The following SAMD3 variants were observed in gnomAD, a reference collection of about 807,000 sequenced individuals.
SAMD3 encodes the protein sterile alpha motif domain containing 3, also known as sterile alpha motif domain-containing protein 3.
In SAMD3, 63 loss-of-function variants were observed where a neutral mutation model predicts 58.5. The ratio of observed to expected loss-of-function variants is 1.08; its 90% CI spans 0.88 to 1.33. The LOEUF is 1.33. Ranked by LOEUF, SAMD3 falls within the 40% of genes most tolerant of loss-of-function variation. The probability of loss-of-function intolerance (pLI) is 0.00; values close to 1 mark genes in which losing one functional copy is unlikely to be tolerated. For missense variants in SAMD3, 604 were observed against 608.4 expected, an observed-to-expected ratio of 0.99 and a Z score of 0.08; for synonymous variants, 220 against 210.3, an observed-to-expected ratio of 1.05 and a Z score of -0.40.
chr6:130,330,513 C>T (rs563707850), intron 1 of SAMD3, among the ~76,000 whole-genome samples: 9 of 152,252 alleles, frequency 5.9e-5, no homozygotes, highest in African/African-American at 2.2e-4. Flanking sequence ...CTGGATATGG[C>T]TGCTGGAGAT....
At chr6:130,255,405 C>T (rs1421837512) in intron 2 of SAMD3, among the ~76,000 whole-genome samples, 3 of 152,050 alleles carry the variant, frequency 2.0e-5, no homozygotes, top group Non-Finnish European at 4.4e-5. Context: ...ATTGAAGCCC[C>T]CTACTATTAT....
intron 1 of SAMD3, among the ~76,000 whole-genome samples, chr6:130,322,843 T>A (rs897178094): frequency 6.6e-6 from 1 of 152,192 alleles, no homozygotes; most frequent in Non-Finnish European, 1.5e-5. Flanking sequence ...CTGTCAATCG[T>A]GGAAGCTGCT....
At chr6:130,346,656 G>A (rs187034333) in intron 1 of SAMD3, among the ~76,000 whole-genome samples, 186 of 152,308 alleles carry the variant, frequency 1.2e-3, no homozygotes, top group South Asian at 5.0e-3. Context: ...TCTGGGGGCC[G>A]GGCATAGCCA....
At chr6:130,196,567 G>A (rs936053985) in intron 5 of SAMD3, among the ~76,000 whole-genome samples, 3 of 152,142 alleles carry the variant, frequency 2.0e-5, no homozygotes, top group African/African-American at 7.2e-5. Flanking sequence ...CTATGCTATA[G>A]TACAAGCCAC....
rs148502436 is a variant in SAMD3, at chr6:130,267,904, C to A, written c.-188+45074G>T. Among the ~76,000 whole-genome samples the A allele has an allele frequency of 3.5e-3, 530 of 152,292 alleles. 4 individuals are homozygous for A. The highest frequency in any genetic ancestry group is 0.012 in the African/African-American group (512 of 41,566). ...ACAGGAGTCTTGCTGATGCTCCCGG[C>A]CAAATAAACCCCTTCCTTCTTTAAC... On this transcript the variant is annotated intron_variant, in intron 2 of 13. Transcript: ENST00000368134.
chr6:130,327,227 A>AT (rs995952673), intron 1 of SAMD3, among the ~76,000 whole-genome samples: 18 of 152,134 alleles, frequency 1.2e-4, no homozygotes, highest in Non-Finnish European at 1.5e-4. Flanking sequence ...TGGCATGTGC[A>AT]TTTTTTTCCA....
At chr6:130,273,656 T>C (rs1027870256) in intron 2 of SAMD3, among the ~76,000 whole-genome samples, 21 of 152,016 alleles carry the variant, frequency 1.4e-4, no homozygotes, top group Non-Finnish European at 7.4e-5. Context: ...TTTTTGTATC[T>C]TCTGTATGTA....
Position 130,228,976 on chromosome 6 carries a change from A to C in SAMD3, c.-187-6163T>G, listed in dbSNP as rs577120639. On this transcript the variant is annotated intron_variant, in intron 2 of 13. Coordinates refer to the SAMD3 transcript ENST00000368134. ...AAAGCTTGAGCCTTAAGGGAAATTT[A>C]GTTGCTTCCCAGGCTTAGAGAGTGT... Among the ~76,000 whole-genome samples the C allele has an allele frequency of 5.1e-3, 775 of 152,346 alleles. 4 individuals are homozygous for C. Among genetic ancestry groups the C allele is most frequent in the Non-Finnish European group, 9.1e-3 (617 of 68,032 alleles).
At chr6:130,320,197 C>T (rs937320067) in intron 1 of SAMD3, among the ~76,000 whole-genome samples, 1 of 151,908 alleles carries the variant, frequency 6.6e-6, no homozygotes, top group Admixed American at 6.6e-5. Context: ...AGAGAATTCT[C>T]AAAACTCAAA....
chr6:130,199,293 C>T (rs959791423), intron 5 of SAMD3, among the ~76,000 whole-genome samples: 2 of 152,176 alleles, frequency 1.3e-5, no homozygotes, highest in African/African-American at 4.8e-5. Context: ...CATTTAATTC[C>T]TCTCTACATC....
At chr6:130,355,471 T>C (rs1239724174) in intron 1 of SAMD3, among the ~76,000 whole-genome samples, 1 of 152,160 alleles carries the variant, frequency 6.6e-6, no homozygotes, top group African/African-American at 2.4e-5. Context: ...TACATTGGTG[T>C]CACCTCCGTT....
chr6:130,213,643 T>C (rs1326890642), intron 4 of SAMD3, among the ~76,000 whole-genome samples: 2 of 152,182 alleles, frequency 1.3e-5, no homozygotes, highest in Non-Finnish European at 2.9e-5. Context: ...AGGGCATAGA[T>C]GGATGTGTAA....
chr6:130,330,517 T>C (rs1388825439), intron 1 of SAMD3, among the ~76,000 whole-genome samples: 2 of 152,202 alleles, frequency 1.3e-5, no homozygotes, highest in Non-Finnish European at 2.9e-5. Context: ...ATATGGCTGC[T>C]GGAGATGGTT....
chr6:130,149,055 A>G (rs1248830300), intron 9 of SAMD3, among the ~76,000 whole-genome samples: 1 of 152,260 alleles, frequency 6.6e-6, no homozygotes, highest in East Asian at 1.9e-4. Context: ...CATAAAGACT[A>G]AAACCATGAA....
At chr6:130,268,530 T>G (rs918466193) in intron 2 of SAMD3, among the ~76,000 whole-genome samples, 1 of 152,180 alleles carries the variant, frequency 6.6e-6, no homozygotes, top group Non-Finnish European at 1.5e-5. Flanking sequence ...ACAGAGCAAC[T>G]TCTAGCCTTG....
chr6:130,199,018 A>T (rs1461416393), intron 5 of SAMD3, among the ~76,000 whole-genome samples: 1 of 152,160 alleles, frequency 6.6e-6, no homozygotes, highest in Non-Finnish European at 1.5e-5. Context: ...TCCTACTTTG[A>T]GGAACTGTGA....
intron 2 of SAMD3, among the ~76,000 whole-genome samples, chr6:130,238,965 G>A (rs1438796179): frequency 2.0e-5 from 3 of 152,052 alleles, no homozygotes; most frequent in African/African-American, 7.2e-5. Context: ...CACTATGTTG[G>A]CTAGGCTGGT....
At chr6:130,318,121 G>A (rs972139452) in intron 1 of SAMD3, among the ~76,000 whole-genome samples, 6 of 152,196 alleles carry the variant, frequency 3.9e-5, no homozygotes, top group Admixed American at 3.9e-4. Flanking sequence ...AATCCTTGGA[G>A]CTCACATGGA....
chr6:130,291,195 A>G (rs9492529), intron 2 of SAMD3, among the ~76,000 whole-genome samples: 17,502 of 152,146 alleles, frequency 0.12, 2,732 homozygotes, highest in African/African-American at 0.36. Flanking sequence ...AGTTCAAGTG[A>G]TTCTCCTGCC....
Sources: allele counts gnomAD v4.1 joint callset (sites outside exome capture counted in the v4.1 genomes callset), GRCh38; gene constraint gnomAD v4.1.1; transcripts MANE v1.5; gene names NCBI Gene and HGNC (gene_info 2026-07-23, HGNC 2026-07-21).